GSE1: variants seen among roughly 807,000 people sequenced by gnomAD.
GSE1 encodes genetic suppressor element 1.
In GSE1, 32 loss-of-function variants were observed where a neutral mutation model predicts 112.6. The ratio of observed to expected loss-of-function variants is 0.28; its 90% CI spans 0.21 to 0.38. GSE1 has a LOEUF of 0.38. GSE1 is among the 10% of genes least tolerant of loss of function. The probability of loss-of-function intolerance (pLI) is 1.00; values close to 1 mark genes in which losing one functional copy is unlikely to be tolerated. For synonymous variants in GSE1, 1,115 were observed against 735.6 expected, an observed-to-expected ratio of 1.52 and a Z score of -8.35; for missense variants, 2,348 against 1,699.2, an observed-to-expected ratio of 1.38 and a Z score of -6.71.
chr16:85,246,831 G>C (rs566360590), intron 1 of GSE1, among the ~76,000 whole-genome samples: 141 of 152,244 alleles, frequency 9.3e-4, no homozygotes, highest in Admixed American at 1.4e-3. Context: ...GAGGAAGGGG[G>C]TGCTCAGGAA....
chr16:85,245,273 C>T (rs1905517250), intron 1 of GSE1, among the ~76,000 whole-genome samples: 1 of 152,206 alleles, frequency 6.6e-6, no homozygotes, highest in East Asian at 1.9e-4. Context: ...CAGCCGCAGC[C>T]CTTGCCCTGC....
At chr16:85,576,162 A>T (rs560543327) in intron 1 of GSE1, among the ~76,000 whole-genome samples, 1 of 152,238 alleles carries the variant, frequency 6.6e-6, no homozygotes, top group South Asian at 2.1e-4. Flanking sequence ...TTAACCCTGG[A>T]GCTAAGGTTG....
At chr16:85,258,423 A>G (rs1179235409) in intron 1 of GSE1, among the ~76,000 whole-genome samples, 1 of 152,154 alleles carries the variant, frequency 6.6e-6, no homozygotes, top group South Asian at 2.1e-4. Context: ...TCGTTCTTCC[A>G]CTGAACACAT....
chr16:85,623,317 C>T (rs761080246), intron 1 of GSE1, among the ~76,000 whole-genome samples: 3 of 151,612 alleles, frequency 2.0e-5, no homozygotes, highest in Admixed American at 1.3e-4. Context: ...TGGGCTCAAG[C>T]GATCCCCCAC....
chr16:85,457,356 C>T (rs910375747), intron 2 of GSE1, among the ~76,000 whole-genome samples: 8 of 152,156 alleles, frequency 5.3e-5, no homozygotes, highest in East Asian at 1.9e-4. Context: ...CAGACTGGAC[C>T]GCAGCTGTCA....
At chr16:85,277,100 G>T (rs1242484922) in intron 1 of GSE1, among the ~76,000 whole-genome samples, 1 of 152,186 alleles carries the variant, frequency 6.6e-6, no homozygotes, top group Non-Finnish European at 1.5e-5. Context: ...AGCTGGGGGA[G>T]GGGTGTAGGG....
Position 85,419,108 on chromosome 16 carries a change from G to A in GSE1, c.2464+61465G>A, listed in dbSNP as rs1215215472. Among the ~76,000 whole-genome samples, 1 of 152,194 alleles carries A rather than the reference G, an allele frequency of 6.6e-6. No individual in the cohort carries two copies. Among genetic ancestry groups the A allele is most frequent in the Non-Finnish European group, 1.5e-5 (1 of 68,038 alleles). On this transcript the variant is annotated intron_variant, in intron 2 of 2. Coordinates refer to the GSE1 transcript ENST00000637419. This position sits in a 1 kb window ranked among gnomAD's most constrained non-coding sequence, Gnocchi z 6.5. ...TCCCAGCGCACAGATGGCGTGTAAA[G>A]CTGGGAGACTGGGGAGACACCTTGG...
At chr16:85,292,801 C>G (rs2045260882) in intron 1 of GSE1, among the ~76,000 whole-genome samples, 1 of 152,206 alleles carries the variant, frequency 6.6e-6, no homozygotes, top group Non-Finnish European at 1.5e-5. Flanking sequence ...GGGCATTTCA[C>G]ACATTCACGA....
intron 1 of GSE1, among the ~76,000 whole-genome samples, chr16:85,629,626 A>G (rs1217594312): frequency 6.6e-6 from 1 of 152,174 alleles, no homozygotes; most frequent in African/African-American, 2.4e-5. Flanking sequence ...CTATCTGGGA[A>G]ATAGGCCCAG....
At chr16:85,668,118 G>A in intron 13 of GSE1, 22 bp from the exon 14 acceptor site, 1 of 1,537,722 alleles carries the variant, frequency 6.5e-7, no homozygotes. Context: ...ACACACTGAT[G>A]CAAGCCCTGT....
intron 2 of GSE1, among the ~76,000 whole-genome samples, chr16:85,535,903 G>A (rs1215620180): frequency 6.6e-6 from 1 of 152,236 alleles, no homozygotes; most frequent in Non-Finnish European, 1.5e-5. Context: ...TCTCTGACGG[G>A]CATTCATTGG....
At chr16:85,494,247 C>G (rs913100295) in intron 2 of GSE1, among the ~76,000 whole-genome samples, 3 of 152,220 alleles carry the variant, frequency 2.0e-5, no homozygotes, top group African/African-American at 7.2e-5. Context: ...AATAGTTTCC[C>G]TGCGCCTCCC....
chr16:85,664,505 A>C (rs2052677749), intron 11 of GSE1: 1 of 152,398 alleles, frequency 6.6e-6, no homozygotes, highest in Admixed American at 6.5e-5. Context: ...AAAAAAATTA[A>C]GGGCGATGCA....
At chr16:85,441,114 C>T (rs949206326) in intron 2 of GSE1, among the ~76,000 whole-genome samples, 9 of 152,076 alleles carry the variant, frequency 5.9e-5, no homozygotes, top group Admixed American at 5.2e-4. Flanking sequence ...CTGGGGGCTG[C>T]GGGATGGGGA....
At chr16:85,322,654 C>T (rs552400486) in intron 1 of GSE1, among the ~76,000 whole-genome samples, 79 of 147,972 alleles carry the variant, frequency 5.3e-4, no homozygotes, top group African/African-American at 1.7e-3. Context: ...ATTGCTCTGT[C>T]GCCCAGTCTC....
chr16:85,389,950 C>T (rs558456359), intron 2 of GSE1, among the ~76,000 whole-genome samples: 5 of 152,266 alleles, frequency 3.3e-5, no homozygotes, highest in South Asian at 2.1e-4. Context: ...CTCTTCGTCT[C>T]GTTTTACCCC....
intron 2 of GSE1, among the ~76,000 whole-genome samples, chr16:85,513,508 A>T (rs1487975222): frequency 6.6e-6 from 1 of 151,806 alleles, no homozygotes; most frequent in African/African-American, 2.4e-5. Flanking sequence ...CACGCACCCA[A>T]CGTCCTCTCT....
upstream of GSE1, among the ~76,000 whole-genome samples, chr16:85,552,377 G>C (rs2044966511): frequency 9.2e-6 from 1 of 108,878 alleles, no homozygotes; most frequent in South Asian, 3.9e-4. Context: ...CTGTGCCCAG[G>C]CTGGAGTGAA....
intron 1 of GSE1, among the ~76,000 whole-genome samples, chr16:85,586,483 T>C (rs1174619918): frequency 6.6e-6 from 1 of 152,182 alleles, no homozygotes; most frequent in Non-Finnish European, 1.5e-5. Context: ...AGCGTCATCA[T>C]CGGTCGGCCC....
Sources: allele counts gnomAD v4.1 joint callset (sites outside exome capture counted in the v4.1 genomes callset), GRCh38; gene constraint gnomAD v4.1.1; non-coding constraint Gnocchi (gnomAD v3.1); transcripts MANE v1.5; gene names NCBI Gene and HGNC (gene_info 2026-07-23, HGNC 2026-07-21).